GRM8: variants seen among roughly 807,000 people sequenced by gnomAD.
GRM8 encodes the protein metabotropic glutamate receptor 8.
GRM8 carries 47 observed loss-of-function variants against 87.2 expected under a neutral mutation model. The observed-to-expected ratio is 0.54, with a 90% confidence interval of 0.43 to 0.69. The LOEUF (loss-of-function observed/expected upper bound fraction) is 0.69. GRM8 is among the 30% of genes least tolerant of loss of function. The pLI, the probability that GRM8 is intolerant of heterozygous loss-of-function variation, is 0.00. For synonymous variants in GRM8, 396 were observed against 404.5 expected (o/e 0.98, Z 0.25); for missense variants, 1,019 against 1,139.2 (o/e 0.89, Z 1.52).
At chr7:126,882,819 G>A (rs1253405888) in intron 6 of GRM8, among the ~76,000 whole-genome samples, 1 of 152,144 alleles carries the variant, frequency 6.6e-6, no homozygotes, top group South Asian at 2.1e-4. Flanking sequence ...CAGAGAAAAA[G>A]CATCTACCCC....
intron 8 of GRM8, among the ~76,000 whole-genome samples, chr7:126,561,631 T>G (rs1793709419): frequency 6.6e-6 from 1 of 151,840 alleles, no homozygotes; most frequent in Admixed American, 6.6e-5. Context: ...TTTATTTATT[T>G]AATTATTATT....
Position 126,533,359 on chromosome 7 carries a change from G to A in GRM8, c.2023C>T (p.Arg675Ter), listed in dbSNP as rs748558723. ...ALLTKTNRIH[R>*]IFEQGKKSVT... is the part of the protein sequence containing the mutation. ...GATTTCTTCCCCTGCTCAAATATTC[G>A]GTGGATACGGTTTGTTTTGGTCAGA... is the stretch of plus-strand genomic sequence containing the variant. Residue 675 changes from arginine to a stop codon, truncating the protein, a stop_gained, in exon 9 of 11, where the codon CGA (arginine) becomes TGA (stop). Coordinates refer to ENST00000339582, the MANE Select transcript of GRM8 (RefSeq NM_000845.3). LOFTEE classifies it high-confidence loss of function. 2.5e-6 allele frequency: 4 copies of A among 1,613,800 alleles called. No homozygotes were observed. Among genetic ancestry groups the A allele is most frequent in the Admixed American group, 1.7e-5 (1 of 59,984 alleles).
intron 9 of GRM8, among the ~76,000 whole-genome samples, chr7:126,475,356 A>C (rs1805777249): frequency 1.3e-5 from 2 of 152,150 alleles, no homozygotes; most frequent in Admixed American, 1.3e-4. Context: ...ATTAAGAAAA[A>C]AATTCTATGT....
At chr7:127,168,682 A>G (rs1207438896) in intron 2 of GRM8, among the ~76,000 whole-genome samples, 1 of 152,212 alleles carries the variant, frequency 6.6e-6, no homozygotes, top group Non-Finnish European at 1.5e-5. Flanking sequence ...AGAGCCATAA[A>G]AAAGTGTGAG....
rs563691937 is a variant in GRM8 at position 126,650,664 on chromosome 7, T to C, written c.1358-41166A>G. On this transcript the variant is annotated intron_variant, in intron 7 of 10. Coordinates refer to ENST00000339582, the MANE Select transcript of GRM8 (RefSeq NM_000845.3). ...GAAATTTGGGGAAGAGTTATGTGAATAGACCTCTCTGAGTGGTCAAAAACT... is the reference window on the plus strand; with the variant it reads ...GAAATTTGGGGAAGAGTTATGTGAACAGACCTCTCTGAGTGGTCAAAAACT... Among the ~76,000 whole-genome samples the C allele has an allele frequency of 3.9e-5, 6 of 152,096 alleles. No homozygotes were observed. The East Asian group carries it at 1.2e-3, about 29-fold the overall frequency.
chr7:127,040,523 A>G (rs1818327350), intron 3 of GRM8, among the ~76,000 whole-genome samples: 1 of 151,738 alleles, frequency 6.6e-6, no homozygotes, highest in Non-Finnish European at 1.5e-5. Context: ...GAGTAAAACC[A>G]GTGTAGCCAA....
At chr7:126,713,506 A>C (rs1227473448) in intron 7 of GRM8, among the ~76,000 whole-genome samples, 1 of 152,070 alleles carries the variant, frequency 6.6e-6, no homozygotes, top group Admixed American at 6.6e-5. Context: ...GCAGGGTTTA[A>C]AACCTAGCTG....
At chr7:126,699,443 T>C (rs976859592) in intron 7 of GRM8, among the ~76,000 whole-genome samples, 12 of 152,188 alleles carry the variant, frequency 7.9e-5, no homozygotes, top group Non-Finnish European at 1.6e-4. Context: ...TTAAAGCACA[T>C]TGAAAATTCA....
intron 6 of GRM8, among the ~76,000 whole-genome samples, chr7:126,852,049 C>T (rs1220242780): frequency 3.9e-5 from 6 of 152,096 alleles, no homozygotes; most frequent in Non-Finnish European, 7.4e-5. Flanking sequence ...GCCCACATCT[C>T]CACTGGCTGG....
At chr7:126,653,063 A>G (rs906399566) in intron 7 of GRM8, among the ~76,000 whole-genome samples, 20 of 152,210 alleles carry the variant, frequency 1.3e-4, no homozygotes, top group African/African-American at 4.6e-4. Context: ...GGAAAACTCT[A>G]TAAAACGTGT....
At chr7:126,469,057 T>G (rs1804841084) in intron 9 of GRM8, among the ~76,000 whole-genome samples, 1 of 152,122 alleles carries the variant, frequency 6.6e-6, no homozygotes, top group Non-Finnish European at 1.5e-5. Flanking sequence ...TTATTGTTGT[T>G]AGTATATAAG....
intron 7 of GRM8, among the ~76,000 whole-genome samples, chr7:126,708,381 T>C (rs1810761306): frequency 6.6e-6 from 1 of 152,050 alleles, no homozygotes; most frequent in South Asian, 2.1e-4. Context: ...ACTAGGTGTA[T>C]TTCCAAAGGA....
intron 2 of GRM8, among the ~76,000 whole-genome samples, chr7:127,177,040 C>T (rs1195196015): frequency 6.6e-6 from 1 of 152,156 alleles, no homozygotes; most frequent in Non-Finnish European, 1.5e-5. Flanking sequence ...GGTGTGCAGA[C>T]TCCACAGGCA....
intron 6 of GRM8, among the ~76,000 whole-genome samples, chr7:126,848,836 A>G (rs1796944135): frequency 6.6e-6 from 1 of 152,238 alleles, no homozygotes; most frequent in South Asian, 2.1e-4. Flanking sequence ...CTGTTTTCAC[A>G]CTGCTGATAA....
intron 6 of GRM8, among the ~76,000 whole-genome samples, chr7:126,841,178 C>T (rs1047070988): frequency 9.9e-5 from 15 of 152,188 alleles, no homozygotes; most frequent in African/African-American, 3.6e-4. Flanking sequence ...TAACAACAAC[C>T]ATCTTATCAT....
chr7:127,143,979 A>C (rs1828415337), intron 2 of GRM8, among the ~76,000 whole-genome samples: 1 of 152,142 alleles, frequency 6.6e-6, no homozygotes, highest in South Asian at 2.1e-4. Context: ...GAGTAGGAGA[A>C]TAAGAGGACA....
At chr7:127,048,442 G>T (rs1474971110) in intron 3 of GRM8, among the ~76,000 whole-genome samples, 1 of 152,212 alleles carries the variant, frequency 6.6e-6, no homozygotes. Context: ...TTAAACAGAG[G>T]AATAAGGTGG....
chr7:126,733,448 G>C (rs1225261283), intron 7 of GRM8, among the ~76,000 whole-genome samples: 1 of 149,370 alleles, frequency 6.7e-6, no homozygotes, highest in Non-Finnish European at 1.5e-5. Context: ...AAAATAAGTG[G>C]CTTGCTTGGA....
chr7:126,795,901 G>A (rs1055377074), intron 6 of GRM8, among the ~76,000 whole-genome samples: 1 of 150,194 alleles, frequency 6.7e-6, no homozygotes, highest in Non-Finnish European at 1.5e-5. Context: ...CCCCATTATG[G>A]TCACCCCACA....
Sources: allele counts gnomAD v4.1 joint callset (sites outside exome capture counted in the v4.1 genomes callset), GRCh38; gene constraint gnomAD v4.1.1; transcripts MANE v1.5; gene names NCBI Gene and HGNC (gene_info 2026-07-23, HGNC 2026-07-21).